Variants in PKHD1 observed in about 807,000 individuals in gnomAD.
PKHD1 encodes PKHD1 ciliary IPT domain containing fibrocystin/polyductin, also known as fibrocystin.
Under a neutral mutation model 412.0 loss-of-function variants are expected in PKHD1, and 291 were observed. That is an observed-to-expected ratio of 0.71 (90% confidence interval 0.64 to 0.78). PKHD1 has a LOEUF of 0.78. Among genes scored for constraint, PKHD1 ranks in the 30% least tolerant of loss-of-function variants. PKHD1 has a pLI of 0.00. For synonymous variants in PKHD1, 1,777 were observed against 1,821.5 expected (o/e 0.98, Z 0.62); for missense variants, 4,825 against 4,950.7 (o/e 0.97, Z 0.76).
intron 36 of PKHD1, among the ~76,000 whole-genome samples, chr6:51,958,535 C>G (rs1049253682): frequency 6.6e-6 from 1 of 152,006 alleles, no homozygotes; most frequent in African/African-American, 2.4e-5. Context: ...CATGATTTAC[C>G]TGGAAGTAAC....
chr6:52,050,671 T>A (rs192000400), intron 21 of PKHD1, among the ~76,000 whole-genome samples: 1 of 152,332 alleles, frequency 6.6e-6, no homozygotes, highest in East Asian at 1.9e-4. Flanking sequence ...ACTCTAGGGA[T>A]GTTTAGCTGA....
chr6:51,747,870 G>T lies in PKHD1; in HGVS notation c.9746C>A (p.Thr3249Asn), dbSNP rs1234854924. ...GRIGILWPVF[T>N]SEPNQWPQEP... ...CTGAGGCCACTGATTTGGTTCTGAG[G>T]TGAATACAGGCCACAGAATACCAAT... Residue 3249 changes from threonine to asparagine, a missense_variant, in exon 58 of 67, where the codon ACC becomes AAC. Thr to Asn is a moderately conservative substitution (Grantham distance 65, BLOSUM62 0). Transcript: ENST00000371117. 1 of 1,613,690 alleles carries T rather than the reference G, an allele frequency of 6.2e-7. No homozygotes were observed. The highest frequency in any genetic ancestry group is 1.1e-5 in the South Asian group (1 of 91,082).
chr6:51,733,338 A>T (rs1783449661), intron 60 of PKHD1, among the ~76,000 whole-genome samples: 1 of 152,140 alleles, frequency 6.6e-6, no homozygotes, highest in Non-Finnish European at 1.5e-5. Context: ...CAGGAGACCT[A>T]GATCATCCTG....
At chr6:51,770,772 G>T (rs932475049) in intron 55 of PKHD1, among the ~76,000 whole-genome samples, 1 of 151,822 alleles carries the variant, frequency 6.6e-6, no homozygotes, top group Non-Finnish European at 1.5e-5. Flanking sequence ...TATAGTTCCA[G>T]ATTTTTATCT....
chr6:51,766,735 C>T (rs939595281), intron 55 of PKHD1, among the ~76,000 whole-genome samples: 1 of 151,260 alleles, frequency 6.6e-6, no homozygotes, highest in Non-Finnish European at 1.5e-5. Flanking sequence ...TTTTAGGGTA[C>T]ATGTGCACAG....
chr6:51,717,579 T>C (rs1197140208), intron 60 of PKHD1, among the ~76,000 whole-genome samples: 1 of 152,192 alleles, frequency 6.6e-6, no homozygotes, highest in Non-Finnish European at 1.5e-5. Context: ...TGCAGGTTTG[T>C]AACCCAGGAG....
chr6:51,927,943 C>T (rs1305234520), intron 37 of PKHD1, among the ~76,000 whole-genome samples: 1 of 152,034 alleles, frequency 6.6e-6, no homozygotes, highest in Non-Finnish European at 1.5e-5. Flanking sequence ...GGAAAAGCCT[C>T]CTACAAGACT....
intron 37 of PKHD1, among the ~76,000 whole-genome samples, chr6:51,923,195 C>T (rs2499457): frequency 0.051 from 7,790 of 151,996 alleles, 672 homozygotes; most frequent in African/African-American, 0.18. Context: ...TGAAAATTGG[C>T]TATTCATTTG....
In PKHD1 at chr6:51,619,363, G is replaced by A. The variant is rs1561968323; in HGVS notation, c.11943C>T (p.Ile3981=). Residue 3981 remains isoleucine, a synonymous_variant, in exon 67 of 67, where the codon ATC becomes ATT. Coordinates refer to ENST00000371117, the MANE Select transcript of PKHD1 (RefSeq NM_138694.4). ...GCTGAGCAGGAGCACCTGGAGCACA[G>A]ATGTGCCCATGGGATGTGATGCCAG... is the stretch of plus-strand genomic sequence containing the variant. ...GTTGITSHGH[I]CAPGAPAQQV... is the part of the protein sequence containing the mutation. The A allele has an allele frequency of 6.2e-7, 1 of 1,614,200 alleles. No individual in the cohort carries two copies. The highest frequency in any genetic ancestry group is 1.7e-5 in the Admixed American group (1 of 60,032).
At chr6:52,050,354 G>T in intron 21 of PKHD1, 59 bp from the exon 22 acceptor site, 1 of 1,561,360 alleles carries the variant, frequency 6.4e-7, no homozygotes, top group South Asian at 1.1e-5. Context: ...TTGCTGTGTG[G>T]AAAATCCCAG....
At chr6:52,066,181 ACTTT>A (rs1202322784) in intron 11 of PKHD1, 104 bp from the exon 12 acceptor site, 1 of 639,284 alleles carries the variant, frequency 1.6e-6, no homozygotes, top group East Asian at 2.8e-5. Context: ...TCTTACTTTA[ACTTT>A]CTAAGTCCAG....
At chr6:51,718,060 C>T (rs1378053991) in intron 60 of PKHD1, among the ~76,000 whole-genome samples, 1 of 152,232 alleles carries the variant, frequency 6.6e-6, no homozygotes, top group East Asian at 1.9e-4. Flanking sequence ...TGGTTAACAA[C>T]TTTTGCTTCA....
At chr6:51,915,065 G>A (rs980995257) in intron 37 of PKHD1, among the ~76,000 whole-genome samples, 1 of 152,172 alleles carries the variant, frequency 6.6e-6, no homozygotes. Flanking sequence ...TTGTGTGGGG[G>A]AGGAAGTTTG....
At chr6:51,733,601 A>T (rs1783490960) in intron 60 of PKHD1, among the ~76,000 whole-genome samples, 1 of 152,150 alleles carries the variant, frequency 6.6e-6, no homozygotes, top group South Asian at 2.1e-4. Context: ...CAATAAAAAC[A>T]TAAGCCAGTC....
chr6:51,919,222 G>T (rs1420917867), intron 37 of PKHD1, among the ~76,000 whole-genome samples: 1 of 152,166 alleles, frequency 6.6e-6, no homozygotes, highest in Admixed American at 6.5e-5. Context: ...GTCCTGAATG[G>T]TATTGCCTAG....
chr6:52,042,883 C>T lies in PKHD1; in HGVS notation c.3073G>A (p.Glu1025Lys), dbSNP rs899785229. ...CCAATATCCGCAGCTCTGGAAGGCTCCACCATATCCAGTCTAGGTTTCACA... is the reference window on the plus strand; with the variant it reads ...CCAATATCCGCAGCTCTGGAAGGCTTCACCATATCCAGTCTAGGTTTCACA... The part of the protein sequence containing the change: ...LNVKPRLDMV[E>K]PSRAADIGGL... The change falls in exon 27 of 67, where the codon GAG (glutamate) becomes AAG (lysine). Residue 1025 changes from glutamate to lysine, a missense_variant. By Grantham distance (56) the Glu-to-Lys change is moderately conservative. Transcript: ENST00000371117. The T allele has an allele frequency of 6.2e-7, 1 of 1,613,918 alleles. No individual in the cohort carries two copies. The highest frequency in any genetic ancestry group is 8.5e-7 in the Non-Finnish European group (1 of 1,179,838).
intron 46 of PKHD1, among the ~76,000 whole-genome samples, chr6:51,872,143 A>G (rs1386700934): frequency 1.3e-5 from 2 of 152,190 alleles, no homozygotes; most frequent in African/African-American, 2.4e-5. Context: ...CAATATTTAA[A>G]TAATCATAGC....
In PKHD1 at chr6:51,975,963, T is replaced by TGAAAAA. The variant is rs1231391714; in HGVS notation, c.5752-15938_5752-15937insTTTTTC. 38 of 69,762 alleles carry TGAAAAA rather than the reference T, an allele frequency of 5.4e-4. 1 individual carries two copies. The highest frequency in any genetic ancestry group is 1.6e-3 in the African/African-American group (30 of 18,474). The allele number at this position is 69,762 out of a possible 1,614,324, so 4.3% of individuals were successfully genotyped here. On this transcript the variant is annotated intron_variant, in intron 35 of 66. Transcript: ENST00000371117. ...AACATAGCGAGACCCTTTCTCTAAT[T>TGAAAAA]AAAAAAAAAAAAAAAAAAAAAAAAA...
intron 50 of PKHD1, 113 bp from the exon 51 acceptor site, chr6:51,836,582 A>G: frequency 1.3e-6 from 1 of 758,024 alleles, no homozygotes; most frequent in Non-Finnish European, 2.3e-6. Flanking sequence ...CTAAATTTTC[A>G]AAACAGAAAA....
Sources: gnomAD v4.1 joint callset for allele counts (sites outside exome capture counted in the v4.1 genomes callset) on GRCh38, gnomAD v4.1.1 for gene constraint, MANE v1.5 for transcripts, NCBI Gene and HGNC (gene_info 2026-07-23, HGNC 2026-07-21) for gene names.